BBC3: variants seen among roughly 807,000 people sequenced by gnomAD.
The protein encoded by BBC3 is bcl-2-binding component 3.
In BBC3, 5 loss-of-function variants were observed where a neutral mutation model predicts 18.2. The ratio of observed to expected loss-of-function variants is 0.27; its 90% CI spans 0.14 to 0.58. The LOEUF is 0.58. Ranked by LOEUF, BBC3 falls within the 20% of genes least tolerant of loss-of-function variation. The pLI, the probability that BBC3 is intolerant of heterozygous loss-of-function variation, is 0.91. For synonymous variants in BBC3, 119 were observed against 128.0 expected (o/e 0.93, Z 0.47); for missense variants, 224 against 268.9 (o/e 0.83, Z 1.17).
Position 47,224,654 on chromosome 19 carries a change from TA to T in BBC3, c.465+1909del, listed in dbSNP as rs1568621631. Among the ~76,000 whole-genome samples, 10 of 151,132 alleles carry T rather than the reference TA, an allele frequency of 6.6e-5. No homozygotes were observed. The South Asian group carries it at 2.1e-3, about 32-fold the overall frequency. Reference sequence around the variant, plus strand: ...ATAAAATAAAAATACATATCTATCCTAAATATCCATCAATGAGAAAATGAAT... The same window carrying T: ...ATAAAATAAAAATACATATCTATCCTAATATCCATCAATGAGAAAATGAAT... On this transcript the variant is annotated intron_variant, in intron 3 of 3. Transcript: ENST00000439096.
intron 1 of BBC3, among the ~76,000 whole-genome samples, chr19:47,229,963 C>A (rs755464068): frequency 1.3e-5 from 2 of 152,046 alleles, no homozygotes; most frequent in Non-Finnish European, 2.9e-5. Flanking sequence ...AAGACAGAAA[C>A]ACACAGGCAA....
rs1194670852 is a variant in BBC3 at position 47,221,770 on chromosome 19, G to A, written c.*32C>T. On this transcript the variant is annotated 3_prime_UTR_variant, in exon 4 of 4. Coordinates refer to ENST00000439096, the MANE Select transcript of BBC3 (RefSeq NM_014417.5). Reference sequence around the variant, plus strand: ...GAGGTGGGAGGGGCCTGCCCCCCGAGTCCCTGACGTCCACCGGGCGGGTGC... The same window carrying A: ...GAGGTGGGAGGGGCCTGCCCCCCGAATCCCTGACGTCCACCGGGCGGGTGC... 6.2e-7 allele frequency: 1 copy of A among 1,607,498 alleles called. No individual in the cohort carries two copies. Among genetic ancestry groups the A allele is most frequent in the Non-Finnish European group, 8.5e-7 (1 of 1,178,108 alleles).
At position 47,228,045 on chromosome 19, in the gene BBC3, C is replaced by T; in HGVS notation, c.274+113G>A. ...CACATTGGCCACACCCTCCCAGTGG[C>T]CCGGCTGGGCCCGCCACCTCCCCCC... On this transcript the variant is annotated intron_variant, in intron 2 of 3. Transcript: ENST00000439096. This position sits in a 1 kb window ranked among gnomAD's most constrained non-coding sequence, Gnocchi z 5.5. 1 of 886,522 alleles carries T rather than the reference C, an allele frequency of 1.1e-6. No individual in the cohort carries two copies. The highest frequency in any genetic ancestry group is 1.5e-6 in the Non-Finnish European group (1 of 681,854). 54.9% of individuals were successfully genotyped at this position (886,522 alleles called of 1,614,324 possible).
chr19:47,223,719 G>C (rs1017542522), intron 3 of BBC3, among the ~76,000 whole-genome samples: 1 of 152,166 alleles, frequency 6.6e-6, no homozygotes, highest in African/African-American at 2.4e-5. Flanking sequence ...AAGGTTAAAT[G>C]ATCCTCATCG....
Position 47,221,834 on chromosome 19 carries a change from C to T in BBC3, c.550G>A (p.Gly184Ser). 6.2e-7 allele frequency: 1 copy of T among 1,613,720 alleles called. No individual in the cohort carries two copies. Among genetic ancestry groups the T allele is most frequent in the Non-Finnish European group, 8.5e-7 (1 of 1,179,876 alleles). The change falls in exon 4 of 4, where the codon GGC becomes AGC. Residue 184 changes from glycine to serine, a missense_variant. Coordinates refer to ENST00000439096, the MANE Select transcript of BBC3 (RefSeq NM_014417.5). ...GGCTCCATCTCGGGGGCTCTGTGGC[C>T]CCTGGGTAAGGGCAGGAGTCCCATG... is the stretch of plus-strand genomic sequence containing the variant. ...LIMGLLPLPR[G>S]HRAPEMEPN
Position 47,221,434 on chromosome 19 carries a change from C to CA in BBC3, c.*367_*368insT, listed in dbSNP as rs1368879676. 93 of 238,264 alleles carry CA rather than the reference C, an allele frequency of 3.9e-4. 9 individuals are homozygous for CA. Among genetic ancestry groups the CA allele is most frequent in the African/African-American group, 1.9e-3 (75 of 38,676 alleles). The allele number at this position is 238,264 out of a possible 1,614,324, so 14.8% of individuals were successfully genotyped here. ...GGAGCACCGAGAGGAGAGCCCCCCC[C>CA]TCCCAGTGTCACCCCTGCAGCTGGA... On this transcript the variant is annotated 3_prime_UTR_variant, in exon 4 of 4. Transcript: ENST00000439096.
chr19:47,232,389 C>G (rs182786714), upstream of BBC3: 10 of 760,352 alleles, frequency 1.3e-5, no homozygotes, highest in East Asian at 3.0e-4. Flanking sequence ...CATTCAGAGA[C>G]ACAAACCAAA....
Position 47,228,322 on chromosome 19 carries a change from C to G in BBC3, c.110G>C (p.Cys37Ser). ...LGRLVPSAVS[C>S]GLCEPGLAAA... ...AGCCAGGCCGGGCTCGCAGAGGCCG[C>G]AGGACACTGCCGAGGGCACCAGGCG... The change falls in exon 2 of 4, where the codon TGC (cysteine) becomes TCC (serine). Residue 37 changes from cysteine (C) to serine (S), a missense_variant. Cys to Ser is a moderately radical substitution (Grantham distance 112). Transcript: ENST00000439096. The surrounding 1 kb of genome is among the most constrained non-coding windows in gnomAD (Gnocchi z 5.5). 1 of 1,227,362 alleles carries G rather than the reference C, an allele frequency of 8.1e-7. No individual in the cohort carries two copies. Among genetic ancestry groups the G allele is most frequent in the Non-Finnish European group, 1.0e-6 (1 of 985,412 alleles). The allele number at this position is 1,227,362 out of a possible 1,614,324, so 76.0% of individuals were successfully genotyped here.
chr19:47,221,428 C>CCCCCCCCCCCCCCCCCG lies in BBC3; in HGVS notation c.*373_*374insCGGGGGGGGGGGGGGGG. The CCCCCCCCCCCCCCCCCG allele has an allele frequency of 4.1e-6, 1 of 243,410 alleles. No individual in the cohort carries two copies. The highest frequency in any genetic ancestry group is 9.6e-5 in the South Asian group (1 of 10,396). The allele number at this position is 243,410 out of a possible 1,614,324, so 15.1% of individuals were successfully genotyped here. ...AGTGAAGGAGCACCGAGAGGAGAGC[C>CCCCCCCCCCCCCCCCCG]CCCCCCTCCCAGTGTCACCCCTGCA... On this transcript the variant is annotated 3_prime_UTR_variant, in exon 4 of 4. Coordinates refer to ENST00000439096, the MANE Select transcript of BBC3 (RefSeq NM_014417.5).
At chr19:47,223,628 C>T (rs2058777178) in intron 3 of BBC3, among the ~76,000 whole-genome samples, 1 of 152,148 alleles carries the variant, frequency 6.6e-6, no homozygotes, top group Non-Finnish European at 1.5e-5. Flanking sequence ...CCTGTAGCTC[C>T]ACAGGCAGGC....
chr19:47,231,353 C>G (rs1455536650), upstream of BBC3: 10 of 311,038 alleles, frequency 3.2e-5, no homozygotes, highest in South Asian at 5.0e-4. This position sits in a 1 kb window ranked among gnomAD's most constrained non-coding sequence, Gnocchi z 4.0. Flanking sequence ...CGCGCCGCGC[C>G]CCCCCCTACC....
Position 47,230,424 on chromosome 19 carries a change from G to T in BBC3, c.-16+505C>A, listed in dbSNP as rs1451416865. Among the ~76,000 whole-genome samples the T allele has an allele frequency of 2.0e-5, 3 of 148,754 alleles. No homozygotes were observed. Among genetic ancestry groups the T allele is most frequent in the Non-Finnish European group, 4.5e-5 (3 of 66,548 alleles). ...AGCCCCCCCCACCGCCGCCACGTGC[G>T]CCCGCCCCGCCCGCCAGGCGAGCGC... On this transcript the variant is annotated intron_variant, in intron 1 of 3. Coordinates refer to ENST00000439096, the MANE Select transcript of BBC3 (RefSeq NM_014417.5). This position sits in a 1 kb window ranked among gnomAD's most constrained non-coding sequence, Gnocchi z 6.7.
chr19:47,226,497 G>A, intron 3 of BBC3, 67 bp downstream of exon 3: 2 of 1,457,468 alleles, frequency 1.4e-6, no homozygotes, highest in Non-Finnish European at 1.8e-6. Context: ...CATCTGGCGG[G>A]GGCCGCCTGC....
chr19:47,228,039 C>T lies in BBC3; in HGVS notation c.274+119G>A, dbSNP rs2058858456. On this transcript the variant is annotated intron_variant, in intron 2 of 3. Transcript: ENST00000439096. This position sits in a 1 kb window ranked among gnomAD's most constrained non-coding sequence, Gnocchi z 5.5. ...AAAGACCACATTGGCCACACCCTCC[C>T]AGTGGCCCGGCTGGGCCCGCCACCT... 1.2e-6 allele frequency: 1 copy of T among 800,216 alleles called. No individual in the cohort carries two copies. Among genetic ancestry groups the T allele is most frequent in the African/African-American group, 1.8e-5 (1 of 55,338 alleles). 49.6% of individuals were successfully genotyped at this position (800,216 alleles called of 1,614,324 possible).
chr19:47,230,375 C>G lies in BBC3; in HGVS notation c.-16+554G>C, dbSNP rs1045127908. 6.6e-6 allele frequency among the ~76,000 whole-genome samples: 1 copy of G among 151,756 alleles called. No individual in the cohort carries two copies. The highest frequency in any genetic ancestry group is 1.5e-5 in the Non-Finnish European group (1 of 67,730). ...GCACACGCGCGCTCCCACGGCGGTC[C>G]CAGACACCCCCCTCCGCTGTCACAG... On this transcript the variant is annotated intron_variant, in intron 1 of 3. Coordinates refer to ENST00000439096, the MANE Select transcript of BBC3 (RefSeq NM_014417.5). This position sits in a 1 kb window ranked among gnomAD's most constrained non-coding sequence, Gnocchi z 6.7.
intron 3 of BBC3, among the ~76,000 whole-genome samples, chr19:47,224,912 TTTC>T (rs961923680): frequency 6.8e-6 from 1 of 146,366 alleles, no homozygotes; most frequent in African/African-American, 2.6e-5. Flanking sequence ...CTACTTTTTG[TTTC>T]TTTTTTTTTT....
intron 2 of BBC3, 45 bp from the exon 3 acceptor site, chr19:47,226,799 G>C: frequency 7.4e-7 from 1 of 1,356,142 alleles, no homozygotes; most frequent in Non-Finnish European, 9.5e-7. Flanking sequence ...CACCCCTCCA[G>C]GCCTCGAGGT....
Position 47,231,001 on chromosome 19 carries a change from C to A in BBC3, c.-88G>T. The A allele has an allele frequency of 1.0e-6, 1 of 986,298 alleles. No individual in the cohort carries two copies. Among genetic ancestry groups the A allele is most frequent in the South Asian group, 4.5e-5 (1 of 22,026 alleles). The allele number at this position is 986,298 out of a possible 1,614,324, so 61.1% of individuals were successfully genotyped here. A position where few individuals can be genotyped will look rare whatever the true frequency, so the allele number is the denominator to read the frequency against. The stretch of plus-strand genomic sequence containing the variant: ...GCTTCCTTCAGGAGGGCGCGCCCGC[C>A]GAGCGCCGCTCTCCGCGGCGGCTGC... On this transcript the variant is annotated 5_prime_UTR_variant, in exon 1 of 4. Coordinates refer to ENST00000439096, the MANE Select transcript of BBC3 (RefSeq NM_014417.5). This position sits in a 1 kb window ranked among gnomAD's most constrained non-coding sequence, Gnocchi z 4.0.
intron 3 of BBC3, among the ~76,000 whole-genome samples, chr19:47,224,729 CTTT>C (rs920484758): frequency 4.4e-5 from 6 of 135,820 alleles, no homozygotes; most frequent in Non-Finnish European, 4.8e-5. Context: ...GTGAAAATGA[CTTT>C]TTTTTTTTTT....
Sources: allele counts gnomAD v4.1 joint callset (sites outside exome capture counted in the v4.1 genomes callset), GRCh38; gene constraint gnomAD v4.1.1; non-coding constraint Gnocchi (gnomAD v3.1); transcripts MANE v1.5; gene names NCBI Gene and HGNC (gene_info 2026-07-23, HGNC 2026-07-21).